The following NINL variants were observed in gnomAD, a reference collection of about 807,000 sequenced individuals.
NINL encodes the protein ninein like.
A neutral mutation model predicts 160.3 loss-of-function variants in NINL; 153 were observed. That is an observed-to-expected ratio of 0.95 (90% CI 0.84 to 1.09). The LOEUF (loss-of-function observed/expected upper bound fraction) is 1.09, where lower values mean the gene tolerates loss of function less well. Among genes scored for constraint, NINL ranks in the 50% least tolerant of loss-of-function variants. NINL has a pLI of 0.00. For missense variants in NINL, 1,829 were observed against 1,764.0 expected (o/e 1.04, Z -0.66); for synonymous variants, 800 against 734.8 (o/e 1.09, Z -1.43).
chr20:25,465,579 TC>T (rs2062893149), intron 19 of NINL, among the ~76,000 whole-genome samples: 1 of 151,152 alleles, frequency 6.6e-6, no homozygotes, highest in South Asian at 2.1e-4. Flanking sequence ...GCAGAAGGGG[TC>T]CCCGACGACT....
At chr20:25,564,839 C>A (rs546111879) in intron 1 of NINL, among the ~76,000 whole-genome samples, 3 of 151,272 alleles carry the variant, frequency 2.0e-5, no homozygotes, top group Non-Finnish European at 4.4e-5. Flanking sequence ...AATAAAACTT[C>A]TTATATCCAT....
chr20:25,583,830 T>C (rs914342781), intron 1 of NINL, among the ~76,000 whole-genome samples: 4 of 152,146 alleles, frequency 2.6e-5, no homozygotes, highest in African/African-American at 9.7e-5. Flanking sequence ...TGCAGGGACA[T>C]GCATAAAGTG....
At chr20:25,494,724 C>T (rs918879507) in intron 10 of NINL, among the ~76,000 whole-genome samples, 1 of 152,190 alleles carries the variant, frequency 6.6e-6, no homozygotes, top group Non-Finnish European at 1.5e-5. Flanking sequence ...CAGCACAGAT[C>T]CGTGGAAACC....
chr20:25,505,362 G>C (rs1212749682), intron 5 of NINL, among the ~76,000 whole-genome samples: 1 of 151,690 alleles, frequency 6.6e-6, no homozygotes, highest in African/African-American at 2.4e-5. Context: ...TCAGTTACAA[G>C]ATGAGTAAGT....
chr20:25,474,222 G>C (rs1403350245), intron 17 of NINL, among the ~76,000 whole-genome samples: 1 of 152,260 alleles, frequency 6.6e-6, no homozygotes, highest in Non-Finnish European at 1.5e-5. Context: ...GACGCCTCAA[G>C]TCAAGGCCAC....
chr20:25,571,862 T>G, intron 1 of NINL, among the ~76,000 whole-genome samples: 1 of 95,754 alleles, frequency 1.0e-5, no homozygotes, highest in Non-Finnish European at 2.0e-5. Flanking sequence ...AGTGAGACTC[T>G]GTCTGAAAAA....
At chr20:25,461,768 A>G in intron 20 of NINL, 133 bp from the exon 21 acceptor site, 1 of 616,776 alleles carries the variant, frequency 1.6e-6, no homozygotes, top group Non-Finnish European at 2.8e-6. Flanking sequence ...CCCACCAACC[A>G]AGGCCGGCCC....
At chr20:25,553,509 A>G (rs1487804688) in intron 1 of NINL, among the ~76,000 whole-genome samples, 1 of 152,202 alleles carries the variant, frequency 6.6e-6, no homozygotes, top group Non-Finnish European at 1.5e-5. Flanking sequence ...AAGAAAAATA[A>G]TTATCATTCC....
chr20:25,522,386 T>A (rs925402678), intron 2 of NINL, among the ~76,000 whole-genome samples: 1 of 152,218 alleles, frequency 6.6e-6, no homozygotes, highest in Non-Finnish European at 1.5e-5. Flanking sequence ...TTTTTAGGGC[T>A]GCAAAAAGAT....
chr20:25,582,845 G>A (rs1327584435), intron 1 of NINL, among the ~76,000 whole-genome samples: 1 of 151,982 alleles, frequency 6.6e-6, no homozygotes, highest in Non-Finnish European at 1.5e-5. Flanking sequence ...ACAACTATCT[G>A]ATCTTCGACA....
rs367966864 is a variant in NINL, at chr20:25,476,510, G to A, written c.2781C>T (p.Gly927=). The change falls in exon 17 of 24, where the codon GGC becomes GGT. Residue 927 remains glycine (G), a synonymous_variant. Transcript: ENST00000278886. ...DIVPKEPEPF[G]ASAAGLEQPG... ...GCTGCTCCAGCCCCGCTGCGCTCGC[G>A]CCGAAAGGCTCTGGCTCCTTTGGGA... The A allele has an allele frequency of 4.9e-5, 78 of 1,602,562 alleles. No homozygotes were observed. The African/African-American group carries it at 9.6e-4, about 20-fold the overall frequency.
At chr20:25,555,079 C>T (rs146529555) in intron 1 of NINL, among the ~76,000 whole-genome samples, 1 of 152,248 alleles carries the variant, frequency 6.6e-6, no homozygotes, top group Non-Finnish European at 1.5e-5. Context: ...ATACAAACAG[C>T]GTTTGGTTTC....
intron 18 of NINL, among the ~76,000 whole-genome samples, chr20:25,469,528 T>C (rs1260617893): frequency 2.0e-5 from 2 of 100,382 alleles, no homozygotes; most frequent in Admixed American, 1.1e-4. Flanking sequence ...GCCCATCCCC[T>C]CCCCCAGCTC....
chr20:25,537,522 A>T (rs141225489), intron 1 of NINL, among the ~76,000 whole-genome samples: 1,871 of 152,332 alleles, frequency 0.012, 33 homozygotes, highest in African/African-American at 0.04. Context: ...TGTGAAGTTC[A>T]TTATGGAGCT....
Position 25,477,018 on chromosome 20 carries a change from G to T in NINL, c.2273C>A (p.Thr758Asn). 6.2e-7 allele frequency: 1 copy of T among 1,600,834 alleles called. No homozygotes were observed. ...CTGCGGCGGCTCCTCCAGCTCCAAG[G>T]TCAGGTCTCTGCGAGCGGGCAGGGC... ...LGALPARRDL[T>N]LELEEPPQGP... Residue 758 changes from threonine (T) to asparagine (N), a missense_variant, in exon 17 of 24, where the codon ACC (threonine) becomes AAC (asparagine). Thr to Asn is a moderately conservative substitution (Grantham distance 65). Coordinates refer to ENST00000278886, the MANE Select transcript of NINL (RefSeq NM_025176.6).
chr20:25,526,189 C>T (rs868062455), intron 2 of NINL, among the ~76,000 whole-genome samples: 4 of 152,180 alleles, frequency 2.6e-5, no homozygotes, highest in African/African-American at 4.8e-5. Context: ...AAAACAAAAC[C>T]AAACCTCTGG....
rs1410587527 is a variant in NINL, at chr20:25,453,459, A to C, written c.4141T>G (p.Ser1381Ala). The C allele has an allele frequency of 6.2e-7, 1 of 1,606,474 alleles. No homozygotes were observed. Among genetic ancestry groups the C allele is most frequent in the African/African-American group, 1.3e-5 (1 of 74,548 alleles). Reference protein sequence around the residue: ...LVSRIAPAALSV With the variant: ...LVSRIAPAALAV ...TAGAAAATAATCTGTCTTTACACAG[A>C]GAGGGCTGCGGGGGCAATCCTACTG... is the stretch of plus-strand genomic sequence containing the variant. The change falls in exon 24 of 24, where the codon TCT becomes GCT. Residue 1381 changes from serine to alanine, a missense_variant. Physicochemically the swap from Ser to Ala is moderately conservative, Grantham distance 99. Coordinates refer to ENST00000278886, the MANE Select transcript of NINL (RefSeq NM_025176.6).
chr20:25,490,455 G>A (rs535218521), intron 11 of NINL, among the ~76,000 whole-genome samples: 87 of 151,726 alleles, frequency 5.7e-4, no homozygotes, highest in African/African-American at 2.1e-3. Context: ...AGCTACTCAG[G>A]AGGCTGAGGC....
intron 13 of NINL, among the ~76,000 whole-genome samples, chr20:25,485,344 T>C (rs1310677634): frequency 6.6e-6 from 1 of 152,234 alleles, no homozygotes; most frequent in Non-Finnish European, 1.5e-5. Flanking sequence ...TTAAAGCCTG[T>C]ATCAATTTGA....
Sources: allele counts gnomAD v4.1 joint callset (sites outside exome capture counted in the v4.1 genomes callset), GRCh38; gene constraint gnomAD v4.1.1; transcripts MANE v1.5; gene names NCBI Gene and HGNC (gene_info 2026-07-23, HGNC 2026-07-21).